The following UPF2 variants were observed in gnomAD, a reference collection of about 807,000 sequenced individuals.
The protein encoded by UPF2 is regulator of nonsense transcripts 2.
In UPF2, 17 loss-of-function variants were observed where a neutral mutation model predicts 141.4. The observed-to-expected ratio is 0.12, with a 90% CI of 0.08 to 0.18. The LOEUF is 0.18. Ranked by LOEUF, UPF2 falls within the 10% of genes least tolerant of loss-of-function variation. The pLI is 1.00. For missense variants in UPF2, 1,152 were observed against 1,515.9 expected (o/e 0.76, Z 3.99); for synonymous variants, 540 against 498.0 (o/e 1.08, Z -1.12).
chr10:12,029,825 G>A (rs964918667), intron 2 of UPF2, among the ~76,000 whole-genome samples: 1 of 152,030 alleles, frequency 6.6e-6, no homozygotes, highest in African/African-American at 2.4e-5. Context: ...AGCTGGGCGT[G>A]ATGGCGCTCA....
intron 20 of UPF2, among the ~76,000 whole-genome samples, chr10:11,930,691 G>A (rs979799101): frequency 2.6e-5 from 4 of 152,172 alleles, no homozygotes; most frequent in Admixed American, 6.6e-5. Context: ...AGAGGCAGAA[G>A]GATCACTTGA....
At chr10:12,010,164 A>C (rs562847038) in intron 4 of UPF2, among the ~76,000 whole-genome samples, 55 of 152,352 alleles carry the variant, frequency 3.6e-4, no homozygotes, top group African/African-American at 1.3e-3. Context: ...ACTTAACTGC[A>C]ACCCAGGATG....
At chr10:11,989,156 A>G (rs894173648) in intron 8 of UPF2, among the ~76,000 whole-genome samples, 9 of 152,342 alleles carry the variant, frequency 5.9e-5, no homozygotes, top group East Asian at 3.9e-4. Context: ...ACAGATCTGT[A>G]AACAGAGGCA....
chr10:11,993,065 G>A (rs1384696897), intron 8 of UPF2, among the ~76,000 whole-genome samples: 5 of 148,532 alleles, frequency 3.4e-5, no homozygotes, highest in Admixed American at 1.4e-4. Flanking sequence ...TGGGAGAATC[G>A]CTTGGACCCA....
At chr10:12,013,409 TG>T (rs1265724069) in intron 4 of UPF2, among the ~76,000 whole-genome samples, 2 of 151,784 alleles carry the variant, frequency 1.3e-5, no homozygotes, top group Non-Finnish European at 2.9e-5. Flanking sequence ...CCCAAGTAGC[TG>T]GGACTACAGG....
chr10:11,963,020 G>C (rs1833264233), intron 11 of UPF2, among the ~76,000 whole-genome samples: 1 of 151,544 alleles, frequency 6.6e-6, no homozygotes, highest in Non-Finnish European at 1.5e-5. Flanking sequence ...TTATTTGTCT[G>C]ACTGTCCTAT....
Position 12,009,025 on chromosome 10 carries a change from T to C in UPF2, c.1307-4298A>G, listed in dbSNP as rs539649844. ...GTCCCTGCAAAGGACATGAACTCAC[T>C]CTTTTTTATGGCTGCATAGTATTCC... On this transcript the variant is annotated intron_variant, in intron 4 of 21. Coordinates refer to ENST00000357604, the MANE Select transcript of UPF2 (RefSeq NM_015542.4). 9.4e-4 allele frequency among the ~76,000 whole-genome samples: 143 copies of C among 152,278 alleles called. 1 individual carries two copies. Among genetic ancestry groups the C allele is most frequent in the African/African-American group, 3.4e-3 (141 of 41,566 alleles).
intron 16 of UPF2, among the ~76,000 whole-genome samples, chr10:11,946,296 T>G (rs1333276676): frequency 6.6e-6 from 1 of 152,262 alleles, no homozygotes; most frequent in Non-Finnish European, 1.5e-5. Context: ...TATGGATTTT[T>G]ACATCTGACC....
At chr10:11,934,424 C>CT (rs1183496679) in intron 19 of UPF2, among the ~76,000 whole-genome samples, 1 of 152,128 alleles carries the variant, frequency 6.6e-6, no homozygotes, top group African/African-American at 2.4e-5. Context: ...TGTGGCTCTC[C>CT]TGAAAGCACC....
chr10:11,977,383 T>G (rs1833522223), intron 9 of UPF2, among the ~76,000 whole-genome samples: 1 of 152,206 alleles, frequency 6.6e-6, no homozygotes, highest in South Asian at 2.1e-4. Context: ...TCGAGAGCAC[T>G]GGTTCCCAAA....
At chr10:11,957,781 G>C (rs1221471214) in intron 12 of UPF2, among the ~76,000 whole-genome samples, 1 of 152,126 alleles carries the variant, frequency 6.6e-6, no homozygotes, top group Admixed American at 6.5e-5. Flanking sequence ...GCCTCCCAAA[G>C]TGTTGGCTCA....
At position 11,983,615 on chromosome 10, in the gene UPF2, A is replaced by G. The variant is rs183910379; in HGVS notation, c.1845-4450T>C. ...TTTCGATCTCCTGAACTCGTGATCCACCTGCTTCAGCCTCCCAAAGTGCTG... is the reference window on the plus strand; with the variant it reads ...TTTCGATCTCCTGAACTCGTGATCCGCCTGCTTCAGCCTCCCAAAGTGCTG... On this transcript the variant is annotated intron_variant, in intron 8 of 21. Coordinates refer to ENST00000357604, the MANE Select transcript of UPF2 (RefSeq NM_015542.4). Among the ~76,000 whole-genome samples, 235 of 152,148 alleles carry G rather than the reference A, an allele frequency of 1.5e-3. 1 individual carries two copies. Among genetic ancestry groups the G allele is most frequent in the African/African-American group, 5.2e-3 (217 of 41,520 alleles).
chr10:11,970,396 T>C (rs1833397070), intron 9 of UPF2, among the ~76,000 whole-genome samples: 1 of 152,022 alleles, frequency 6.6e-6, no homozygotes, highest in Non-Finnish European at 1.5e-5. Context: ...GTTAAGAGTC[T>C]GCTATTAAGT....
At chr10:12,006,163 C>T (rs1834032212) in intron 4 of UPF2, among the ~76,000 whole-genome samples, 1 of 152,158 alleles carries the variant, frequency 6.6e-6, no homozygotes, top group South Asian at 2.1e-4. Context: ...TACAGGCATG[C>T]GTGACCACGC....
chr10:11,979,949 C>T lies in UPF2; in HGVS notation c.1845-784G>A, dbSNP rs561209433. On this transcript the variant is annotated intron_variant, in intron 8 of 21. Coordinates refer to ENST00000357604, the MANE Select transcript of UPF2 (RefSeq NM_015542.4). This position sits in a 1 kb window ranked among gnomAD's most constrained non-coding sequence, Gnocchi z 6.2. ...AATGGTACTCAATAACTGAAAAAAC[C>T]TCTACGAAGGCAAAATAATATTACA... Among the ~76,000 whole-genome samples the T allele has an allele frequency of 2.0e-5, 3 of 152,240 alleles. No homozygotes were observed. In the South Asian group the frequency reaches 6.2e-4, roughly 32 times the overall value.
In UPF2 at chr10:11,921,180, T is replaced by C; in HGVS notation, c.*118A>G. The C allele has an allele frequency of 4.2e-6, 6 of 1,415,072 alleles. No homozygotes were observed. The South Asian group carries it at 6.9e-5, about 16-fold the overall frequency. 87.7% of individuals were successfully genotyped at this position (1,415,072 alleles called of 1,614,324 possible). On this transcript the variant is annotated 3_prime_UTR_variant, in exon 22 of 22. Coordinates refer to ENST00000357604, the MANE Select transcript of UPF2 (RefSeq NM_015542.4). The surrounding 1 kb of genome is among the most constrained non-coding windows in gnomAD (Gnocchi z 5.9). The stretch of plus-strand genomic sequence containing the variant: ...GCCCCAGCCTGTCCCAGGTTTAGAT[T>C]CGCAACTCTCTAGACCGACCTGCTG...
chr10:11,968,633 A>C (rs1336631769), intron 9 of UPF2, among the ~76,000 whole-genome samples: 1 of 152,228 alleles, frequency 6.6e-6, no homozygotes, highest in Non-Finnish European at 1.5e-5. Context: ...TGTATGTCAA[A>C]GTTTAAGTCC....
Position 12,004,499 on chromosome 10 carries a change from TTAATG to T in UPF2, c.1504+26_1504+30del, listed in dbSNP as rs559695916. Reference sequence around the variant, plus strand: ...ATTTTGAAGCTAATTCTTATAGCACTTAATGTAAATATTTTTTCTCTAGAATTTAC... The same window carrying T: ...ATTTTGAAGCTAATTCTTATAGCACTTAAATATTTTTTCTCTAGAATTTAC... On this transcript the variant is annotated intron_variant, in intron 5 of 21. Transcript: ENST00000357604. 5.0e-4 allele frequency: 771 copies of T among 1,550,116 alleles called. 1 individual carries two copies. Among genetic ancestry groups the T allele is most frequent in the Admixed American group, 1.8e-3 (95 of 52,872 alleles).
At chr10:11,988,892 G>T (rs142705591) in intron 8 of UPF2, among the ~76,000 whole-genome samples, 1 of 152,274 alleles carries the variant, frequency 6.6e-6, no homozygotes, top group East Asian at 1.9e-4. Context: ...TGAATATATG[G>T]GGTCTGGAAG....
Sources: allele counts gnomAD v4.1 joint callset (sites outside exome capture counted in the v4.1 genomes callset), GRCh38; gene constraint gnomAD v4.1.1; non-coding constraint Gnocchi (gnomAD v3.1); transcripts MANE v1.5; gene names NCBI Gene and HGNC (gene_info 2026-07-23, HGNC 2026-07-21).